LOC128462377: variants seen among roughly 807,000 people sequenced by gnomAD.
the LOC128462377 span, chr16:89,321,344 G>C: frequency 6.6e-6 from 1 of 151,842 alleles, no homozygotes; most frequent in Admixed American, 6.6e-5. Context: ...TCTGAGCTGG[G>C]CCAGGACAAC....
the LOC128462377 span, among the ~76,000 whole-genome samples, chr16:89,347,547 G>A: frequency 6.7e-6 from 1 of 149,974 alleles, no homozygotes; most frequent in African/African-American, 2.5e-5. Flanking sequence ...GGAGATGGAG[G>A]TTGCAGCGAG....
chr16:89,331,605 G>A, the LOC128462377 span, among the ~76,000 whole-genome samples: 1 of 152,024 alleles, frequency 6.6e-6, no homozygotes, highest in Admixed American at 6.6e-5. Flanking sequence ...GGCACCCAGC[G>A]ATTCAGGAGA....
chr16:89,361,169 G>T, the LOC128462377 span, among the ~76,000 whole-genome samples: 1 of 152,164 alleles, frequency 6.6e-6, no homozygotes, highest in Non-Finnish European at 1.5e-5. Context: ...CTGAAACCCT[G>T]CTCAGCTACC....
At chr16:89,375,090 G>GT in the LOC128462377 span, among the ~76,000 whole-genome samples, 1 of 151,974 alleles carries the variant, frequency 6.6e-6, no homozygotes, top group Non-Finnish European at 1.5e-5. Flanking sequence ...GTAAACAAAC[G>GT]TAACGTCGCA....
At chr16:89,394,646 AC>A in the LOC128462377 span, among the ~76,000 whole-genome samples, 1 of 151,544 alleles carries the variant, frequency 6.6e-6, no homozygotes, top group East Asian at 1.9e-4. Flanking sequence ...AAAAAAACAA[AC>A]AACCTTTTGT....
At chr16:89,401,276 G>A in the LOC128462377 span, among the ~76,000 whole-genome samples, 3 of 151,938 alleles carry the variant, frequency 2.0e-5, no homozygotes, top group African/African-American at 4.8e-5. Context: ...ACCGGGTTTC[G>A]CCATGTTAGC....
the LOC128462377 span, chr16:89,320,208 G>C: frequency 6.6e-6 from 1 of 152,184 alleles, no homozygotes. Flanking sequence ...CAGTTCCGCA[G>C]CCCCTGTGCC....
the LOC128462377 span, among the ~76,000 whole-genome samples, chr16:89,368,112 C>T: frequency 2.6e-5 from 4 of 152,310 alleles, no homozygotes; most frequent in South Asian, 2.1e-4. Context: ...GTGCTCACTA[C>T]GCTACTCATT....
At chr16:89,412,656 C>G in the LOC128462377 span, 1 of 152,072 alleles carries the variant, frequency 6.6e-6, no homozygotes, top group East Asian at 1.9e-4. Flanking sequence ...ACTGAGTACT[C>G]TTTTGCTAGA....
At chr16:89,408,787 C>T in the LOC128462377 span, among the ~76,000 whole-genome samples, 1 of 152,202 alleles carries the variant, frequency 6.6e-6, no homozygotes, top group Non-Finnish European at 1.5e-5. Context: ...TCCTAAACAT[C>T]TTTTGAGGCC....
At chr16:89,324,167 G>T in the LOC128462377 span, 1 of 1,121,800 alleles carries the variant, frequency 8.9e-7, no homozygotes, top group East Asian at 6.3e-5. Context: ...CACATTTTCT[G>T]TTATCACGGC....
chr16:89,355,335 G>C, the LOC128462377 span, among the ~76,000 whole-genome samples: 1 of 152,300 alleles, frequency 6.6e-6, no homozygotes, highest in Admixed American at 6.5e-5. Flanking sequence ...AAGGACCAAA[G>C]AGGAACGTGC....
the LOC128462377 span, among the ~76,000 whole-genome samples, chr16:89,381,814 T>G: frequency 1.3e-5 from 2 of 152,032 alleles, no homozygotes; most frequent in African/African-American, 4.8e-5. Flanking sequence ...CCCACGCGAA[T>G]GGGGGGAAGA....
chr16:89,373,764 G>C, the LOC128462377 span, among the ~76,000 whole-genome samples: 1 of 152,140 alleles, frequency 6.6e-6, no homozygotes, highest in African/African-American at 2.4e-5. Flanking sequence ...CACCTACCTG[G>C]GATCCCCCAA....
At chr16:89,331,131 T>C in the LOC128462377 span, among the ~76,000 whole-genome samples, 4 of 152,146 alleles carry the variant, frequency 2.6e-5, no homozygotes, top group South Asian at 8.3e-4. Context: ...TTTTTCTATT[T>C]TGAGGAGAGA....
At chr16:89,369,865 C>T in the LOC128462377 span, among the ~76,000 whole-genome samples, 1 of 152,220 alleles carries the variant, frequency 6.6e-6, no homozygotes, top group Non-Finnish European at 1.5e-5. Flanking sequence ...GTACAAGGGA[C>T]TGCTCCCTGT....
At chr16:89,375,228 T>C in the LOC128462377 span, among the ~76,000 whole-genome samples, 5 of 152,150 alleles carry the variant, frequency 3.3e-5, no homozygotes, top group Non-Finnish European at 5.9e-5. Flanking sequence ...AAACACCGTG[T>C]GACACTAATC....
chr16:89,334,863 G>A, the LOC128462377 span, among the ~76,000 whole-genome samples: 1 of 152,252 alleles, frequency 6.6e-6, no homozygotes, highest in Middle Eastern at 3.4e-3. Context: ...CAGCACACTG[G>A]ATTCGAAGAG....
the LOC128462377 span, chr16:89,395,562 C>T: frequency 6.6e-6 from 1 of 152,244 alleles, no homozygotes; most frequent in Admixed American, 6.5e-5. Flanking sequence ...AGGAGGGGAC[C>T]AATGGGCCAT....
Sources: allele counts gnomAD v4.1 joint callset (sites outside exome capture counted in the v4.1 genomes callset), GRCh38; gene constraint gnomAD v4.1.1; transcripts MANE v1.5.